XYLT1: variants seen among roughly 807,000 people sequenced by gnomAD.
The protein encoded by XYLT1 is beta-D-xylosyltransferase 1.
In XYLT1, 36 loss-of-function variants were observed where a neutral mutation model predicts 91.3. That is an observed-to-expected ratio of 0.39 (90% CI 0.30 to 0.52). XYLT1 has a LOEUF of 0.52. XYLT1 is among the 20% of genes least tolerant of loss of function. The pLI is 0.68. For synonymous variants in XYLT1, 588 were observed against 532.0 expected (o/e 1.11, Z -1.45); for missense variants, 1,242 against 1,284.5 (o/e 0.97, Z 0.51).
chr16:17,421,289 T>G (rs1482264732), intron 1 of XYLT1, among the ~76,000 whole-genome samples: 2 of 151,986 alleles, frequency 1.3e-5, no homozygotes, highest in African/African-American at 4.8e-5. Flanking sequence ...AATTAAGGAG[T>G]GACAGACTGC....
chr16:17,322,135 T>C (rs986428252), intron 2 of XYLT1, among the ~76,000 whole-genome samples: 6 of 152,202 alleles, frequency 3.9e-5, no homozygotes, highest in African/African-American at 1.2e-4. Flanking sequence ...GTTCTTTGAC[T>C]GTGTTTTCGC....
At chr16:17,125,389 G>A (rs7193175) in intron 10 of XYLT1, among the ~76,000 whole-genome samples, 144,991 of 152,258 alleles carry the variant, frequency 0.95, 69,096 homozygotes, top group Middle Eastern at 0.98. Flanking sequence ...CATTTAAAAT[G>A]CAACCTGAAC....
intron 1 of XYLT1, among the ~76,000 whole-genome samples, chr16:17,464,534 G>A (rs2036863914): frequency 6.7e-6 from 1 of 149,274 alleles, no homozygotes; most frequent in South Asian, 2.1e-4. Flanking sequence ...GAATTTCAGT[G>A]TCTCTGACAA....
chr16:17,159,637 A>G (rs981556600), intron 5 of XYLT1, among the ~76,000 whole-genome samples: 1 of 152,248 alleles, frequency 6.6e-6, no homozygotes, highest in East Asian at 1.9e-4. Flanking sequence ...GAATGCATCA[A>G]TGAATGGACG....
chr16:17,155,650 G>T (rs930251042), intron 6 of XYLT1, among the ~76,000 whole-genome samples: 5 of 152,164 alleles, frequency 3.3e-5, no homozygotes, highest in African/African-American at 1.2e-4. Flanking sequence ...TGGGACATTG[G>T]CTTGTTTTAC....
intron 3 of XYLT1, among the ~76,000 whole-genome samples, chr16:17,242,320 A>G (rs1438740122): frequency 6.6e-6 from 1 of 152,246 alleles, no homozygotes; most frequent in Non-Finnish European, 1.5e-5. Flanking sequence ...AGTAGTTAGG[A>G]CAGAGACCTT....
intron 6 of XYLT1, among the ~76,000 whole-genome samples, chr16:17,151,105 G>C (rs2031271584): frequency 1.3e-5 from 2 of 152,166 alleles, no homozygotes; most frequent in Admixed American, 1.3e-4. Flanking sequence ...GCACCCTTAG[G>C]GAGTCAGTGC....
At chr16:17,413,470 ACT>A (rs1279887590) in intron 1 of XYLT1, among the ~76,000 whole-genome samples, 1 of 145,738 alleles carries the variant, frequency 6.9e-6, no homozygotes, top group Non-Finnish European at 1.5e-5. Flanking sequence ...ACAGGGTCTC[ACT>A]CTGTCACCCA....
Position 17,413,020 on chromosome 16 carries a change from T to C in XYLT1, c.364-54970A>G, listed in dbSNP as rs114329937. The stretch of plus-strand genomic sequence containing the variant: ...TACATATAGCCACACTCCCCACCTT[T>C]TCCTCAAGACTAGTCCAGACCACAA... On this transcript the variant is annotated intron_variant, in intron 1 of 11. Coordinates refer to ENST00000261381, the MANE Select transcript of XYLT1 (RefSeq NM_022166.4). Among the ~76,000 whole-genome samples the C allele has an allele frequency of 5.2e-3, 785 of 152,310 alleles. 4 individuals are homozygous for C. The highest frequency in any genetic ancestry group is 0.018 in the African/African-American group (748 of 41,564).
Position 17,253,435 on chromosome 16 carries a change from C to T in XYLT1, c.913+5553G>A, listed in dbSNP as rs115119833. ...GGCAAACTCACACTGCAAAGCCATC[C>T]GGAGATAACCTCAGCATGACCAGGA... On this transcript the variant is annotated intron_variant, in intron 3 of 11. Transcript: ENST00000261381. 8.9e-3 allele frequency among the ~76,000 whole-genome samples: 1,347 copies of T among 152,196 alleles called. 16 individuals are homozygous for T. Among genetic ancestry groups the T allele is most frequent in the African/African-American group, 0.031 (1,277 of 41,496 alleles).
At chr16:17,301,987 G>A (rs754944309) in intron 2 of XYLT1, among the ~76,000 whole-genome samples, 11 of 152,106 alleles carry the variant, frequency 7.2e-5, no homozygotes, top group Non-Finnish European at 1.6e-4. Context: ...CAAGGTGGGC[G>A]GATCATTTGA....
chr16:17,461,543 CGATGGGTAAATG>C (rs1363482164), intron 1 of XYLT1, among the ~76,000 whole-genome samples: 2 of 151,842 alleles, frequency 1.3e-5, no homozygotes, highest in East Asian at 1.9e-4. Flanking sequence ...ATGAATGGAT[CGATGGGTAAATG>C]GATGGACAGA....
At chr16:17,463,657 T>C (rs2036850116) in intron 1 of XYLT1, among the ~76,000 whole-genome samples, 1 of 152,138 alleles carries the variant, frequency 6.6e-6, no homozygotes, top group South Asian at 2.1e-4. Flanking sequence ...TGGAGAAGAG[T>C]ATGAAGGTTC....
At chr16:17,126,850 A>T (rs1419231589) in intron 10 of XYLT1, among the ~76,000 whole-genome samples, 1 of 152,234 alleles carries the variant, frequency 6.6e-6, no homozygotes. Context: ...CTTACTCAGC[A>T]TCTACAAAGA....
intron 3 of XYLT1, among the ~76,000 whole-genome samples, chr16:17,232,114 TTA>T (rs1162214091): frequency 1.4e-5 from 2 of 145,166 alleles, no homozygotes; most frequent in Non-Finnish European, 3.0e-5. Context: ...TAATCGATAA[TTA>T]TATATATTAT....
Position 17,275,559 on chromosome 16 carries a change from C to G in XYLT1, c.403-16061G>C, listed in dbSNP as rs537877264. Among the ~76,000 whole-genome samples, 6 of 152,284 alleles carry G rather than the reference C, an allele frequency of 3.9e-5. No homozygotes were observed. In the South Asian group the frequency reaches 1.2e-3, roughly 32 times the overall value. ...TCCTCTTGCCTGGCTGCCTGTGATT[C>G]ATTCTCTACCTCTGTTATTTGAGAT... is the stretch of plus-strand genomic sequence containing the variant. On this transcript the variant is annotated intron_variant, in intron 2 of 11. Coordinates refer to ENST00000261381, the MANE Select transcript of XYLT1 (RefSeq NM_022166.4).
chr16:17,346,564 A>G (rs184972171), intron 2 of XYLT1, among the ~76,000 whole-genome samples: 1 of 152,212 alleles, frequency 6.6e-6, no homozygotes, highest in Non-Finnish European at 1.5e-5. Flanking sequence ...TAAAAAATTT[A>G]AAAATCTTCC....
At chr16:17,142,058 C>T (rs1247600534) in intron 6 of XYLT1, among the ~76,000 whole-genome samples, 1 of 152,128 alleles carries the variant, frequency 6.6e-6, no homozygotes, top group Admixed American at 6.5e-5. Context: ...CATGCATCAC[C>T]ATGTTTGGCT....
intron 2 of XYLT1, among the ~76,000 whole-genome samples, chr16:17,297,198 C>T (rs1404059256): frequency 6.6e-6 from 1 of 152,184 alleles, no homozygotes; most frequent in Non-Finnish European, 1.5e-5. Flanking sequence ...GCCTCCAAAT[C>T]CATGTTTTAT....
Sources: gnomAD v4.1 joint callset for allele counts (sites outside exome capture counted in the v4.1 genomes callset) on GRCh38, gnomAD v4.1.1 for gene constraint, MANE v1.5 for transcripts, NCBI Gene and HGNC (gene_info 2026-07-23, HGNC 2026-07-21) for gene names.